Variants in ADD2 observed in about 807,000 individuals in gnomAD.
ADD2 encodes the protein beta-adducin.
A neutral mutation model predicts 83.0 loss-of-function variants in ADD2; 23 were observed. The observed-to-expected ratio is 0.28, with a 90% CI of 0.20 to 0.39. ADD2 has a LOEUF of 0.39. ADD2 is among the 10% of genes least tolerant of loss of function. The probability of loss-of-function intolerance (pLI) is 1.00; values close to 1 mark genes in which losing one functional copy is unlikely to be tolerated. For synonymous variants in ADD2, 375 were observed against 375.4 expected, an observed-to-expected ratio of 1.00 and a Z score of 0.01; for missense variants, 758 against 944.9, an observed-to-expected ratio of 0.80 and a Z score of 2.59.
chr2:70,756,407 T>G (rs1553383865), intron 1 of ADD2, among the ~76,000 whole-genome samples: 1 of 152,166 alleles, frequency 6.6e-6, no homozygotes, highest in Non-Finnish European at 1.5e-5. Flanking sequence ...CAGATAACAA[T>G]TCATGTGAAT....
At chr2:70,703,234 AAGAG>A (rs782118580) in intron 4 of ADD2, among the ~76,000 whole-genome samples, 274 of 152,252 alleles carry the variant, frequency 1.8e-3, no homozygotes, top group Middle Eastern at 0.01. Flanking sequence ...GAGAAAGAGA[AAGAG>A]AGAGAGAAAG....
chr2:70,752,489 A>C (rs1674557279), intron 1 of ADD2, among the ~76,000 whole-genome samples: 1 of 152,224 alleles, frequency 6.6e-6, no homozygotes, highest in African/African-American at 2.4e-5. Context: ...GTACTGAATA[A>C]ATATCAGCTA....
chr2:70,706,102 G>C lies in ADD2; in HGVS notation c.183+124C>G. 1.9e-6 allele frequency: 2 copies of C among 1,030,134 alleles called. No homozygotes were observed. Among genetic ancestry groups the C allele is most frequent in the Non-Finnish European group, 2.8e-6 (2 of 710,802 alleles). 63.8% of individuals were successfully genotyped at this position (1,030,134 alleles called of 1,614,324 possible). A position where few individuals can be genotyped will look rare whatever the true frequency, so the allele number is the denominator to read the frequency against. On this transcript the variant is annotated intron_variant, in intron 3 of 15. Coordinates refer to ENST00000264436, the MANE Select transcript of ADD2 (RefSeq NM_001617.4). This position sits in a 1 kb window ranked among gnomAD's most constrained non-coding sequence, Gnocchi z 5.0. ...CAGGTGACCAGATCCGTCTTGCTCA[G>C]TGGGCTTACATTTCTACTGACCCTG...
chr2:70,667,503 G>A (rs1355037760), intron 15 of ADD2, among the ~76,000 whole-genome samples: 2 of 152,162 alleles, frequency 1.3e-5, no homozygotes, highest in African/African-American at 4.8e-5. Context: ...GCTGTGTCTT[G>A]GCCACCAATG....
intron 2 of ADD2, chr2:70,710,983 C>T (rs1435449948): frequency 1.2e-4 from 19 of 152,194 alleles, no homozygotes; most frequent in African/African-American, 4.6e-4. Flanking sequence ...CACTAAATAA[C>T]TGTAATTATG....
intron 15 of ADD2, among the ~76,000 whole-genome samples, chr2:70,669,194 C>T (rs1669798831): frequency 6.6e-6 from 1 of 152,162 alleles, no homozygotes; most frequent in Non-Finnish European, 1.5e-5. Context: ...GGATGCTGGC[C>T]ACGCAGAGAG....
At chr2:70,737,052 G>T (rs3977710) in intron 1 of ADD2, among the ~76,000 whole-genome samples, 3 of 151,730 alleles carry the variant, frequency 2.0e-5, no homozygotes, top group Non-Finnish European at 4.4e-5. Flanking sequence ...TTAGAATGGC[G>T]ATCATTAAAA....
At chr2:70,752,180 T>A (rs890472841) in intron 1 of ADD2, among the ~76,000 whole-genome samples, 3 of 152,106 alleles carry the variant, frequency 2.0e-5, no homozygotes, top group Non-Finnish European at 4.4e-5. Context: ...TCTAAGCATA[T>A]CAATGGCATT....
intron 1 of ADD2, among the ~76,000 whole-genome samples, chr2:70,747,318 C>A (rs1256482789): frequency 6.6e-6 from 1 of 152,010 alleles, no homozygotes; most frequent in Non-Finnish European, 1.5e-5. Flanking sequence ...CCTAAGAGTC[C>A]AATATGGATT....
chr2:70,712,303 G>A (rs1230651075), intron 2 of ADD2, among the ~76,000 whole-genome samples: 1 of 151,886 alleles, frequency 6.6e-6, no homozygotes, highest in Non-Finnish European at 1.5e-5. Context: ...AATTAGGCGG[G>A]CATGGTGGTG....
chr2:70,715,045 G>A (rs530827509), intron 1 of ADD2, among the ~76,000 whole-genome samples: 7 of 152,232 alleles, frequency 4.6e-5, no homozygotes, highest in South Asian at 4.1e-4. Flanking sequence ...ATGGTGTTAC[G>A]CCCTAATTAA....
chr2:70,756,810 T>C (rs991513696), intron 1 of ADD2, among the ~76,000 whole-genome samples: 1 of 152,178 alleles, frequency 6.6e-6, no homozygotes, highest in Non-Finnish European at 1.5e-5. Flanking sequence ...GCAAGTAAGC[T>C]TCAACCTTGA....
chr2:70,674,556 A>T, intron 14 of ADD2, 122 bp downstream of exon 14: 4 of 1,111,992 alleles, frequency 3.6e-6, no homozygotes, highest in African/African-American at 1.6e-5. Flanking sequence ...TTTTGTGATT[A>T]ATGGAACTAC....
intron 1 of ADD2, among the ~76,000 whole-genome samples, chr2:70,757,763 G>A (rs1252211728): frequency 2.0e-5 from 3 of 152,094 alleles, no homozygotes; most frequent in Admixed American, 6.6e-5. Flanking sequence ...ACTCCATGCC[G>A]AGTAAAGAAA....
At chr2:70,673,318 G>A (rs1254552263) in intron 14 of ADD2, 2 of 1,614,056 alleles carry the variant, frequency 1.2e-6, no homozygotes, top group Non-Finnish European at 1.7e-6. Flanking sequence ...TCTCGTTCCT[G>A]TCCTGTCTCT....
chr2:70,696,522 A>G (rs1553372768), intron 4 of ADD2, 126 bp from the exon 5 acceptor site: 3 of 1,264,796 alleles, frequency 2.4e-6, no homozygotes. Flanking sequence ...AGGGAATTAA[A>G]CATTCTTTGA....
intron 7 of ADD2, 39 bp downstream of exon 7, chr2:70,692,364 T>A (rs2104325553): frequency 6.7e-7 from 1 of 1,500,850 alleles, no homozygotes. Flanking sequence ...TCGGCAGCCT[T>A]ACGTCTTTCC....
chr2:70,670,559 T>C (rs1669854979), intron 15 of ADD2, among the ~76,000 whole-genome samples: 1 of 152,178 alleles, frequency 6.6e-6, no homozygotes, highest in Non-Finnish European at 1.5e-5. Flanking sequence ...CTCTCTCTGA[T>C]GGCCAGCCTT....
At chr2:70,724,533 GCCAGGTTGCATGGCT>G (rs1369036187) in intron 1 of ADD2, among the ~76,000 whole-genome samples, 3 of 152,154 alleles carry the variant, frequency 2.0e-5, no homozygotes, top group African/African-American at 7.2e-5. Flanking sequence ...CGGAGCTCAG[GCCAGGTTGCATGGCT>G]CCCTGGGCTG....
Sources: allele counts gnomAD v4.1 joint callset (sites outside exome capture counted in the v4.1 genomes callset), GRCh38; gene constraint gnomAD v4.1.1; non-coding constraint Gnocchi (gnomAD v3.1); transcripts MANE v1.5; gene names NCBI Gene and HGNC (gene_info 2026-07-23, HGNC 2026-07-21).